The following PRKAR2B variants were observed in gnomAD, a reference collection of about 807,000 sequenced individuals.
The protein encoded by PRKAR2B is protein kinase cAMP-dependent type II regulatory subunit beta, also known as cAMP-dependent protein kinase type II-beta regulatory subunit.
PRKAR2B carries 14 observed loss-of-function variants against 49.9 expected under a neutral mutation model. The observed-to-expected ratio is 0.28, with a 90% confidence interval of 0.19 to 0.44. The LOEUF (loss-of-function observed/expected upper bound fraction) is 0.44. Among genes scored for constraint, PRKAR2B ranks in the 20% least tolerant of loss-of-function variants. The probability of loss-of-function intolerance (pLI) is 1.00; values close to 1 mark genes in which losing one functional copy is unlikely to be tolerated. For missense variants in PRKAR2B, 393 were observed against 537.9 expected (o/e 0.73, Z 2.67); for synonymous variants, 196 against 197.7 (o/e 0.99, Z 0.07).
chr7:107,108,917 C>T (rs899500291), intron 2 of PRKAR2B, among the ~76,000 whole-genome samples: 1 of 152,194 alleles, frequency 6.6e-6, no homozygotes, highest in Non-Finnish European at 1.5e-5. Context: ...CAAGTTCTTA[C>T]AGCAACAGTG....
chr7:107,076,200 A>C (rs2116780994), intron 2 of PRKAR2B, among the ~76,000 whole-genome samples: 1 of 152,278 alleles, frequency 6.6e-6, no homozygotes, highest in Admixed American at 6.5e-5. Flanking sequence ...TAAATACTTC[A>C]GCCTGTATCT....
intron 4 of PRKAR2B, among the ~76,000 whole-genome samples, chr7:107,137,660 C>A (rs1562868175): frequency 6.6e-6 from 1 of 152,168 alleles, no homozygotes; most frequent in East Asian, 1.9e-4. Flanking sequence ...TACCTTCTCA[C>A]CGGAAGTCTG....
At chr7:107,064,853 A>G (rs956159463) in intron 1 of PRKAR2B, among the ~76,000 whole-genome samples, 26 of 152,214 alleles carry the variant, frequency 1.7e-4, no homozygotes, top group African/African-American at 6.3e-4. Flanking sequence ...GAAATTATGT[A>G]TGTATTAAAA....
Position 107,097,386 on chromosome 7 carries a change from A to G in PRKAR2B, c.344-24566A>G, listed in dbSNP as rs116106531. Among the ~76,000 whole-genome samples, 550 of 151,656 alleles carry G rather than the reference A, an allele frequency of 3.6e-3. 4 individuals are homozygous for G. Among genetic ancestry groups the G allele is most frequent in the African/African-American group, 0.013 (523 of 41,292 alleles). On this transcript the variant is annotated intron_variant, in intron 2 of 10. Transcript: ENST00000265717. ...GTAGATCTTCCTCCATCCCTTTATT[A>G]TGAAGCTATGTGTATCTCTGCACGT...
At chr7:107,099,703 A>G (rs552371334) in intron 2 of PRKAR2B, among the ~76,000 whole-genome samples, 3 of 150,738 alleles carry the variant, frequency 2.0e-5, no homozygotes, top group Non-Finnish European at 2.9e-5. Context: ...CAGTGGCGCA[A>G]TCTCAGCTCA....
intron 8 of PRKAR2B, among the ~76,000 whole-genome samples, chr7:107,154,049 TTCGA>T (rs1796035903): frequency 6.6e-6 from 1 of 152,038 alleles, no homozygotes; most frequent in African/African-American, 2.4e-5. Flanking sequence ...AAGTAAATCT[TTCGA>T]TCAACACCCC....
chr7:107,104,902 G>A (rs940773437), intron 2 of PRKAR2B, among the ~76,000 whole-genome samples: 7 of 152,170 alleles, frequency 4.6e-5, no homozygotes, highest in Non-Finnish European at 8.8e-5. Context: ...GCTAGTAGGA[G>A]TCCTTGTATA....
intron 1 of PRKAR2B, among the ~76,000 whole-genome samples, chr7:107,048,920 G>A (rs1793751517): frequency 1.3e-5 from 2 of 152,150 alleles, no homozygotes; most frequent in African/African-American, 4.8e-5. Flanking sequence ...ACTCTCAAAG[G>A]CCAGAAAGAA....
intron 4 of PRKAR2B, among the ~76,000 whole-genome samples, chr7:107,133,298 A>G (rs759263027): frequency 7.9e-5 from 12 of 152,198 alleles, no homozygotes; most frequent in Non-Finnish European, 1.6e-4. Flanking sequence ...TCAGTTTTAT[A>G]ATGTTTTCAA....
intron 2 of PRKAR2B, among the ~76,000 whole-genome samples, chr7:107,115,680 A>G (rs1300651281): frequency 6.6e-6 from 1 of 152,102 alleles, no homozygotes; most frequent in East Asian, 1.9e-4. Flanking sequence ...GAGAGAGAAT[A>G]AGAGAGAGAG....
intron 2 of PRKAR2B, among the ~76,000 whole-genome samples, chr7:107,086,232 A>T (rs1794618095): frequency 6.6e-6 from 1 of 151,842 alleles, no homozygotes; most frequent in South Asian, 2.1e-4. Context: ...AATGGCTTTG[A>T]GTTCGGATTT....
In PRKAR2B at chr7:107,044,982, C is replaced by T; in HGVS notation, c.75C>T (p.Pro25=). The T allele has an allele frequency of 6.4e-7, 1 of 1,573,634 alleles. No homozygotes were observed. Among genetic ancestry groups the T allele is most frequent in the Non-Finnish European group, 8.6e-7 (1 of 1,162,478 alleles). The change falls in exon 1 of 11, where the codon CCC becomes CCT. Residue 25 remains proline, a synonymous_variant. Coordinates refer to ENST00000265717, the MANE Select transcript of PRKAR2B (RefSeq NM_002736.3). ...GFTVEVLRHQ[P]ADLLEFALQH... ...CGGTGGAGGTGCTGAGGCACCAGCCCGCGGACCTGCTGGAGTTCGCGCTGC... is the reference window on the plus strand; with the variant it reads ...CGGTGGAGGTGCTGAGGCACCAGCCTGCGGACCTGCTGGAGTTCGCGCTGC...
intron 2 of PRKAR2B, among the ~76,000 whole-genome samples, chr7:107,085,574 C>A (rs2116793783): frequency 6.6e-6 from 1 of 152,192 alleles, no homozygotes; most frequent in African/African-American, 2.4e-5. Context: ...TGTTCCCAGT[C>A]CCAGTCCTAA....
At chr7:107,157,624 T>C (rs1293696094) in intron 10 of PRKAR2B, among the ~76,000 whole-genome samples, 1 of 152,226 alleles carries the variant, frequency 6.6e-6, no homozygotes, top group Non-Finnish European at 1.5e-5. Flanking sequence ...ATAAGCAACA[T>C]GTGCTATGTT....
At chr7:107,060,080 T>G (rs1314190556) in intron 1 of PRKAR2B, among the ~76,000 whole-genome samples, 2 of 152,200 alleles carry the variant, frequency 1.3e-5, no homozygotes, top group Non-Finnish European at 2.9e-5. Flanking sequence ...TCAAAATATG[T>G]TATTAGTAAC....
chr7:107,158,120 C>T (rs1016615678), intron 10 of PRKAR2B, among the ~76,000 whole-genome samples: 2 of 151,740 alleles, frequency 1.3e-5, no homozygotes, highest in Non-Finnish European at 2.9e-5. Context: ...GAAGAGAAGA[C>T]GATTAGAAAC....
chr7:107,135,847 G>C (rs1795692412), intron 4 of PRKAR2B, among the ~76,000 whole-genome samples: 1 of 152,078 alleles, frequency 6.6e-6, no homozygotes, highest in Non-Finnish European at 1.5e-5. Context: ...CCTAAAGTTT[G>C]GAGAGGCAAA....
intron 1 of PRKAR2B, among the ~76,000 whole-genome samples, chr7:107,057,934 T>C (rs1584403516): frequency 1.3e-5 from 2 of 152,158 alleles, no homozygotes; most frequent in African/African-American, 4.8e-5. Flanking sequence ...ATGAAAAATA[T>C]GAAAGTAAAG....
At chr7:107,076,892 G>T (rs1315659574) in intron 2 of PRKAR2B, among the ~76,000 whole-genome samples, 1 of 152,128 alleles carries the variant, frequency 6.6e-6, no homozygotes, top group African/African-American at 2.4e-5. Context: ...TATTCCCCAA[G>T]AAATTAGTGA....
Sources: allele counts gnomAD v4.1 joint callset (sites outside exome capture counted in the v4.1 genomes callset), GRCh38; gene constraint gnomAD v4.1.1; transcripts MANE v1.5; gene names NCBI Gene and HGNC (gene_info 2026-07-23, HGNC 2026-07-21).